The following PCED1B variants were observed in gnomAD, a reference collection of about 807,000 sequenced individuals.
PCED1B encodes PC-esterase domain containing 1B, also known as PC-esterase domain-containing protein 1B.
For synonymous variants in PCED1B, 251 were observed against 246.1 expected (o/e 1.02, Z -0.19); for missense variants, 573 against 573.9 (o/e 1.00, Z 0.02).
At chr12:47,099,600 C>A (rs1322078534) in intron 1 of PCED1B, among the ~76,000 whole-genome samples, 1 of 152,124 alleles carries the variant, frequency 6.6e-6, no homozygotes, top group Non-Finnish European at 1.5e-5. Context: ...TCAGATAAGA[C>A]CCCCTCAAAA....
At chr12:47,229,872 C>G (rs996038887) in intron 3 of PCED1B, among the ~76,000 whole-genome samples, 1 of 151,536 alleles carries the variant, frequency 6.6e-6, no homozygotes, top group Non-Finnish European at 1.5e-5. Flanking sequence ...CGGGTTCCTG[C>G]CATTCTCCTG....
At chr12:47,133,546 G>T (rs1940221681) in intron 2 of PCED1B, among the ~76,000 whole-genome samples, 1 of 152,150 alleles carries the variant, frequency 6.6e-6, no homozygotes, top group Non-Finnish European at 1.5e-5. Flanking sequence ...GTGGGTTCAA[G>T]CCTGATAATC....
chr12:47,229,306 C>T (rs1446846136), intron 3 of PCED1B, among the ~76,000 whole-genome samples: 3 of 151,118 alleles, frequency 2.0e-5, no homozygotes, highest in East Asian at 1.9e-4. Context: ...CCTAGCTACT[C>T]GGGAGGCCAA....
intron 1 of PCED1B, among the ~76,000 whole-genome samples, chr12:47,089,467 T>C (rs868789920): frequency 0.01 from 902 of 87,184 alleles, 15 homozygotes; most frequent in African/African-American, 0.047. Context: ...AATACATATA[T>C]ATATATATAT....
At chr12:47,187,599 T>C (rs1403399544) in intron 2 of PCED1B, among the ~76,000 whole-genome samples, 1 of 152,160 alleles carries the variant, frequency 6.6e-6, no homozygotes, top group Admixed American at 6.5e-5. Flanking sequence ...AAATATATTT[T>C]TTCATAGCTA....
chr12:47,228,478 A>G (rs1425519253), intron 3 of PCED1B, among the ~76,000 whole-genome samples: 1 of 152,184 alleles, frequency 6.6e-6, no homozygotes, highest in Admixed American at 6.5e-5. Context: ...GAATAAGCAA[A>G]AGATAAGAGA....
At chr12:47,100,645 A>G (rs902557887) in intron 1 of PCED1B, among the ~76,000 whole-genome samples, 1 of 152,252 alleles carries the variant, frequency 6.6e-6, no homozygotes, top group African/African-American at 2.4e-5. Context: ...GGAGGTAAAT[A>G]TAAAGTCTAG....
At chr12:47,136,507 T>C (rs1244473483) in intron 2 of PCED1B, among the ~76,000 whole-genome samples, 1 of 152,162 alleles carries the variant, frequency 6.6e-6, no homozygotes, top group Admixed American at 6.5e-5. Flanking sequence ...ATTTGAGTGA[T>C]CTTAGCTGGG....
intron 1 of PCED1B, among the ~76,000 whole-genome samples, chr12:47,082,901 C>G (rs933042535): frequency 1.3e-5 from 2 of 151,518 alleles, no homozygotes; most frequent in East Asian, 1.9e-4. Flanking sequence ...TTCCTCTGGC[C>G]TCTTCCACAT....
chr12:47,142,911 A>G (rs1374568058), intron 2 of PCED1B, among the ~76,000 whole-genome samples: 1 of 152,220 alleles, frequency 6.6e-6, no homozygotes, highest in Non-Finnish European at 1.5e-5. Flanking sequence ...TAAGAAATTC[A>G]TACACAAATC....
intron 2 of PCED1B, among the ~76,000 whole-genome samples, chr12:47,128,356 A>G (rs1939982932): frequency 6.6e-6 from 1 of 152,160 alleles, no homozygotes; most frequent in African/African-American, 2.4e-5. Flanking sequence ...AAAATGGAGA[A>G]GGCACCTTCT....
At chr12:47,202,547 T>A (rs570004513) in intron 2 of PCED1B, among the ~76,000 whole-genome samples, 1 of 144,344 alleles carries the variant, frequency 6.9e-6, no homozygotes, top group South Asian at 2.2e-4. Flanking sequence ...TGGTCCCTGA[T>A]TCCCAGATAT....
intron 2 of PCED1B, among the ~76,000 whole-genome samples, chr12:47,107,851 T>C (rs1204435547): frequency 6.6e-6 from 1 of 152,228 alleles, no homozygotes; most frequent in Non-Finnish European, 1.5e-5. Context: ...ACTTCTCTTT[T>C]ACATCAGGTA....
chr12:47,204,456 A>G lies in PCED1B; in HGVS notation c.-525-11766A>G, dbSNP rs191380805. On this transcript the variant is annotated intron_variant, in intron 2 of 3. Transcript: ENST00000546455. ...AGCAGTGGTTTGTAGTTCTCCTTGA[A>G]GAGGTCCTTCACTTCCTGATACTCT... is the stretch of plus-strand genomic sequence containing the variant. Among the ~76,000 whole-genome samples, 282 of 152,272 alleles carry G rather than the reference A, an allele frequency of 1.9e-3. 4 individuals are homozygous for G. Among genetic ancestry groups the G allele is most frequent in the Non-Finnish European group, 3.4e-4 (23 of 68,024 alleles).
intron 2 of PCED1B, among the ~76,000 whole-genome samples, chr12:47,186,843 T>C (rs1225891093): frequency 6.6e-6 from 1 of 152,194 alleles, no homozygotes; most frequent in Admixed American, 6.5e-5. Context: ...CAAAATCTTG[T>C]CTTTACTTAG....
chr12:47,169,334 C>T (rs1941643886), intron 2 of PCED1B, among the ~76,000 whole-genome samples: 1 of 152,156 alleles, frequency 6.6e-6, no homozygotes, highest in Non-Finnish European at 1.5e-5. Context: ...GTCCTTCTCT[C>T]TGAGTATCAG....
intron 2 of PCED1B, among the ~76,000 whole-genome samples, chr12:47,180,840 A>G (rs1031335493): frequency 6.6e-6 from 1 of 152,206 alleles, no homozygotes; most frequent in African/African-American, 2.4e-5. Context: ...TGGGGAAAAA[A>G]GCAGTTGATT....
chr12:47,085,134 A>C (rs1937918283), intron 1 of PCED1B, among the ~76,000 whole-genome samples: 1 of 152,156 alleles, frequency 6.6e-6, no homozygotes, highest in Non-Finnish European at 1.5e-5. Context: ...ACAGAGCAAG[A>C]CTCCGTCTCA....
At chr12:47,133,225 A>C (rs943750870) in intron 2 of PCED1B, among the ~76,000 whole-genome samples, 1 of 152,204 alleles carries the variant, frequency 6.6e-6, no homozygotes, top group African/African-American at 2.4e-5. Flanking sequence ...AAAAGAGACA[A>C]CATGATGTCT....
Sources: allele counts gnomAD v4.1 joint callset (sites outside exome capture counted in the v4.1 genomes callset), GRCh38; gene constraint gnomAD v4.1.1; transcripts MANE v1.5; gene names NCBI Gene and HGNC (gene_info 2026-07-23, HGNC 2026-07-21).